The following IL1RL2 variants were observed in gnomAD, a reference collection of about 807,000 sequenced individuals.
IL1RL2 encodes interleukin-1 receptor-like 2.
A neutral mutation model predicts 66.8 loss-of-function variants in IL1RL2; 68 were observed. The observed-to-expected ratio is 1.02, with a 90% CI of 0.84 to 1.25. The LOEUF is 1.25. Among genes scored for constraint, IL1RL2 ranks in the 50% most tolerant of loss-of-function variants. The probability of loss-of-function intolerance (pLI) is 0.00; values close to 1 mark genes in which losing one functional copy is unlikely to be tolerated. For missense variants in IL1RL2, 729 were observed against 709.3 expected, an observed-to-expected ratio of 1.03 and a Z score of -0.32; for synonymous variants, 305 against 264.6, an observed-to-expected ratio of 1.15 and a Z score of -1.48.
At chr2:102,225,876 AT>A (rs1335571113) in intron 8 of IL1RL2, 21 bp from the exon 9 acceptor site, 12 of 1,477,800 alleles carry the variant, frequency 8.1e-6, no homozygotes, top group African/African-American at 2.9e-5. Flanking sequence ...AATTATTATT[AT>A]TTTTTTGCTG....
At chr2:102,228,107 T>C (rs1384300426) in intron 9 of IL1RL2, among the ~76,000 whole-genome samples, 1 of 152,188 alleles carries the variant, frequency 6.6e-6, no homozygotes, top group Admixed American at 6.5e-5. Context: ...GTCCTTTTTT[T>C]CTTTATTTTT....
intron 4 of IL1RL2, among the ~76,000 whole-genome samples, chr2:102,198,741 A>G (rs1410629941): frequency 6.6e-6 from 1 of 151,954 alleles, no homozygotes; most frequent in Non-Finnish European, 1.5e-5. Context: ...GAGGTTCCCC[A>G]TGGTTTCAGC....
At chr2:102,193,652 C>T (rs2104719639) in intron 4 of IL1RL2, among the ~76,000 whole-genome samples, 1 of 152,332 alleles carries the variant, frequency 6.6e-6, no homozygotes, top group Middle Eastern at 3.4e-3. Context: ...ATGCATGGCT[C>T]ACCAGGAGTA....
chr2:102,235,309 C>G, intron 11 of IL1RL2, 32 bp downstream of exon 11: 1 of 1,597,690 alleles, frequency 6.3e-7, no homozygotes, highest in Non-Finnish European at 8.5e-7. Context: ...AGGTTTGTCA[C>G]GCACTGATGG....
At chr2:102,235,788 C>T in intron 11 of IL1RL2, 1 of 985,434 alleles carries the variant, frequency 1.0e-6, no homozygotes, top group Non-Finnish European at 1.2e-6. Flanking sequence ...GTGTCTGCGT[C>T]TCTCTCACTC....
intron 4 of IL1RL2, among the ~76,000 whole-genome samples, chr2:102,195,333 G>T (rs533721072): frequency 3.3e-5 from 5 of 152,218 alleles, no homozygotes; most frequent in Admixed American, 3.3e-4. Context: ...TAAGTAAAAA[G>T]ACCTTTTTTC....
chr2:102,204,135 G>C (rs1688501724), intron 5 of IL1RL2, among the ~76,000 whole-genome samples: 2 of 151,816 alleles, frequency 1.3e-5, no homozygotes, highest in Admixed American at 6.6e-5. Flanking sequence ...TTTCTTCATT[G>C]ACCCACTGGT....
rs151140479 is a variant in IL1RL2 at position 102,196,260 on chromosome 2, T to C, written c.489+4140T>C. ...AAGCAGGTCACCCATGGGTGGCGCT[T>C]AGATGCCTTTATTTTAAAAACAACC... On this transcript the variant is annotated intron_variant, in intron 4 of 11. Transcript: ENST00000264257. Among the ~76,000 whole-genome samples, 24 of 152,200 alleles carry C rather than the reference T, an allele frequency of 1.6e-4. No homozygotes were observed. In the East Asian group the frequency reaches 2.7e-3, roughly 17 times the overall value.
At chr2:102,197,303 G>A (rs1368627933) in intron 4 of IL1RL2, among the ~76,000 whole-genome samples, 1 of 152,182 alleles carries the variant, frequency 6.6e-6, no homozygotes, top group Non-Finnish European at 1.5e-5. Flanking sequence ...GATGCTGGAA[G>A]GACGGAGGGC....
chr2:102,188,049 G>T, intron 2 of IL1RL2, 124 bp downstream of exon 2: 1 of 885,208 alleles, frequency 1.1e-6, no homozygotes, highest in Non-Finnish European at 1.9e-6. Flanking sequence ...CAGACCGCCA[G>T]GCGGAGTTCC....
intron 4 of IL1RL2, among the ~76,000 whole-genome samples, chr2:102,200,102 A>G (rs1688121176): frequency 7.0e-6 from 1 of 142,208 alleles, no homozygotes; most frequent in Non-Finnish European, 1.5e-5. Flanking sequence ...CGACAGAGCT[A>G]AGACCCTGTT....
intron 9 of IL1RL2, among the ~76,000 whole-genome samples, chr2:102,230,825 C>T (rs1165728833): frequency 6.6e-6 from 1 of 152,184 alleles, no homozygotes; most frequent in Non-Finnish European, 1.5e-5. Context: ...CGAAGGTCAG[C>T]AGTGGTTGGT....
At chr2:102,191,069 A>G (rs999769902) in intron 3 of IL1RL2, among the ~76,000 whole-genome samples, 2 of 152,140 alleles carry the variant, frequency 1.3e-5, no homozygotes, top group Non-Finnish European at 2.9e-5. Context: ...TTTTAAGAAT[A>G]TATTTTTACA....
At chr2:102,215,407 T>TACA (rs2104815716) in intron 6 of IL1RL2, among the ~76,000 whole-genome samples, 1 of 152,208 alleles carries the variant, frequency 6.6e-6, no homozygotes, top group South Asian at 2.1e-4. Flanking sequence ...CCTGGTTACT[T>TACA]AGAGTATGGG....
At chr2:102,191,689 C>G (rs1011956932) in intron 3 of IL1RL2, among the ~76,000 whole-genome samples, 1 of 152,100 alleles carries the variant, frequency 6.6e-6, no homozygotes, top group Non-Finnish European at 1.5e-5. Context: ...GTCCACTTGC[C>G]CCTAGTTGGT....
intron 9 of IL1RL2, among the ~76,000 whole-genome samples, chr2:102,227,970 C>A: frequency 6.6e-6 from 1 of 152,132 alleles, no homozygotes; most frequent in South Asian, 2.1e-4. Context: ...GTGACTCACA[C>A]GGAGTAGTGG....
chr2:102,235,100 A>G lies in IL1RL2; in HGVS notation c.1501A>G (p.Ile501Val). The change falls in exon 11 of 12, where the codon ATT becomes GTT. Residue 501 changes from isoleucine (I) to valine (V), a missense_variant. Transcript: ENST00000264257. ...IEDYTVMPES[I>V]QYIKQKHGAI... ...GGACTACACAGTCATGCCAGAGTCA[A>G]TTCAGTACATCAAACAGAAGCATGG... The G allele has an allele frequency of 6.2e-7, 1 of 1,614,214 alleles. No homozygotes were observed. The highest frequency in any genetic ancestry group is 1.1e-5 in the South Asian group (1 of 91,084).
intron 11 of IL1RL2, among the ~76,000 whole-genome samples, chr2:102,237,708 G>C (rs1408463022): frequency 2.6e-5 from 4 of 152,166 alleles, no homozygotes; most frequent in Admixed American, 2.6e-4. Flanking sequence ...AATGCAGCAA[G>C]AATACAAATA....
chr2:102,210,831 A>T (rs565867987), intron 5 of IL1RL2, among the ~76,000 whole-genome samples: 3 of 152,180 alleles, frequency 2.0e-5, no homozygotes, highest in African/African-American at 7.2e-5. Flanking sequence ...CTGTATGGGC[A>T]TGGAGCTTAG....
Sources: gnomAD v4.1 joint callset for allele counts (sites outside exome capture counted in the v4.1 genomes callset) on GRCh38, gnomAD v4.1.1 for gene constraint, MANE v1.5 for transcripts, NCBI Gene and HGNC (gene_info 2026-07-23, HGNC 2026-07-21) for gene names.